The following LRRTM4 variants were observed in gnomAD, a reference collection of about 807,000 sequenced individuals.
LRRTM4 encodes the protein leucine-rich repeat transmembrane neuronal protein 4.
In LRRTM4, 25 loss-of-function variants were observed where a neutral mutation model predicts 47.6. The observed-to-expected ratio is 0.53, with a 90% confidence interval of 0.38 to 0.73. The LOEUF is 0.73. Among genes scored for constraint, LRRTM4 ranks in the 30% least tolerant of loss-of-function variants. LRRTM4 has a pLI of 0.00. For missense variants in LRRTM4, 638 were observed against 713.4 expected (o/e 0.89, Z 1.20); for synonymous variants, 311 against 269.5 (o/e 1.15, Z -1.51).
intron 3 of LRRTM4, among the ~76,000 whole-genome samples, chr2:77,440,365 G>A (rs997508609): frequency 6.6e-6 from 1 of 152,098 alleles, no homozygotes; most frequent in Non-Finnish European, 1.5e-5. Context: ...AGTGAGCCAA[G>A]ATCGTGCCAC....
chr2:77,277,181 G>C (rs181396150), intron 3 of LRRTM4, among the ~76,000 whole-genome samples: 1 of 152,024 alleles, frequency 6.6e-6, no homozygotes, highest in Admixed American at 6.6e-5. Context: ...TTTGGAAACA[G>C]TTACATGCAA....
At chr2:77,141,732 A>G (rs1478173884) in intron 3 of LRRTM4, among the ~76,000 whole-genome samples, 1 of 152,176 alleles carries the variant, frequency 6.6e-6, no homozygotes, top group Non-Finnish European at 1.5e-5. Context: ...GACATTTGTT[A>G]CTGGCTCCCA....
At chr2:77,415,955 T>C (rs149739107) in intron 3 of LRRTM4, among the ~76,000 whole-genome samples, 2 of 152,262 alleles carry the variant, frequency 1.3e-5, no homozygotes, top group African/African-American at 4.8e-5. Context: ...GATGGATTTA[T>C]TTTTGGTTAC....
intron 3 of LRRTM4, among the ~76,000 whole-genome samples, chr2:77,074,966 T>G (rs538318993): frequency 2.0e-5 from 3 of 152,226 alleles, no homozygotes; most frequent in Non-Finnish European, 4.4e-5. Context: ...AGCATTTCTG[T>G]GGAAACGTAT....
intron 3 of LRRTM4, among the ~76,000 whole-genome samples, chr2:76,781,496 G>A (rs923887729): frequency 5.3e-5 from 8 of 152,196 alleles, no homozygotes; most frequent in Middle Eastern, 3.2e-3. Flanking sequence ...CGCAGTATTC[G>A]GGTGGGAGTG....
At chr2:77,018,343 G>C (rs1162175890) in intron 3 of LRRTM4, among the ~76,000 whole-genome samples, 2 of 125,862 alleles carry the variant, frequency 1.6e-5, no homozygotes, top group Non-Finnish European at 3.1e-5. Context: ...AGACTTCTTT[G>C]ATACCAGCAG....
At chr2:77,516,265 A>G (rs899887414) in intron 3 of LRRTM4, among the ~76,000 whole-genome samples, 1 of 151,916 alleles carries the variant, frequency 6.6e-6, no homozygotes, top group Non-Finnish European at 1.5e-5. Flanking sequence ...AACACATACA[A>G]TATCAAAATG....
At chr2:76,802,614 C>A (rs566605557) in intron 3 of LRRTM4, among the ~76,000 whole-genome samples, 2 of 151,938 alleles carry the variant, frequency 1.3e-5, no homozygotes, top group African/African-American at 2.4e-5. Context: ...CAGAATTGTA[C>A]AATTTATATG....
At chr2:77,022,854 T>C (rs1023722256) in intron 3 of LRRTM4, among the ~76,000 whole-genome samples, 13 of 152,126 alleles carry the variant, frequency 8.5e-5, no homozygotes, top group Admixed American at 5.9e-4. Flanking sequence ...TTGTAAGCTG[T>C]AGTTGGATCT....
intron 3 of LRRTM4, among the ~76,000 whole-genome samples, chr2:77,424,832 C>G (rs572451915): frequency 2.6e-5 from 4 of 152,116 alleles, no homozygotes; most frequent in Non-Finnish European, 4.4e-5. Context: ...TGGCTATAGA[C>G]CCAGGGATCC....
chr2:77,336,617 T>C (rs1348915325), intron 3 of LRRTM4, among the ~76,000 whole-genome samples: 2 of 152,154 alleles, frequency 1.3e-5, no homozygotes, highest in Non-Finnish European at 2.9e-5. Context: ...CAAAAAGCTA[T>C]ATGCTTATCT....
intron 3 of LRRTM4, among the ~76,000 whole-genome samples, chr2:77,072,278 A>C (rs2103830583): frequency 6.6e-6 from 1 of 152,136 alleles, no homozygotes; most frequent in East Asian, 1.9e-4. Flanking sequence ...GTATAGGTTA[A>C]TCTCTTTTAA....
intron 3 of LRRTM4, among the ~76,000 whole-genome samples, chr2:77,010,038 T>A (rs1573446866): frequency 6.6e-6 from 1 of 152,000 alleles, no homozygotes; most frequent in Non-Finnish European, 1.5e-5. Flanking sequence ...AATATATTTA[T>A]AGTATACAGC....
chr2:77,372,949 T>TA (rs34277293), intron 3 of LRRTM4, among the ~76,000 whole-genome samples: 45,989 of 144,260 alleles, frequency 0.32, 8,104 homozygotes, highest in East Asian at 0.56. Context: ...GACTTCTGAA[T>TA]AAAAAAAAAA....
At chr2:77,517,466 TTTA>T in intron 3 of LRRTM4, 1 of 985,198 alleles carries the variant, frequency 1.0e-6, no homozygotes, top group Non-Finnish European at 1.2e-6. Context: ...TGACTGCCAT[TTTA>T]TTATTGCTAA....
chr2:77,128,679 C>G (rs1671717095), intron 3 of LRRTM4, among the ~76,000 whole-genome samples: 1 of 152,166 alleles, frequency 6.6e-6, no homozygotes, highest in Non-Finnish European at 1.5e-5. Flanking sequence ...GTCCCCCAGG[C>G]TGGAGGCTGG....
At chr2:77,152,779 T>A (rs1019908897) in intron 3 of LRRTM4, among the ~76,000 whole-genome samples, 3 of 152,194 alleles carry the variant, frequency 2.0e-5, no homozygotes, top group Non-Finnish European at 4.4e-5. Context: ...ATCATTTTTC[T>A]TCTATTTAAC....
intron 3 of LRRTM4, among the ~76,000 whole-genome samples, chr2:77,448,095 T>C (rs1006032155): frequency 1.8e-4 from 27 of 152,180 alleles, no homozygotes; most frequent in African/African-American, 6.0e-4. Context: ...TCCTTAATCA[T>C]TCTCTAATTA....
chr2:76,874,886 C>G (rs1672735199), intron 3 of LRRTM4, among the ~76,000 whole-genome samples: 1 of 151,270 alleles, frequency 6.6e-6, no homozygotes, highest in African/African-American at 2.5e-5. Flanking sequence ...TCTCATGTTA[C>G]AGTTATAAAA....
Sources: allele counts gnomAD v4.1 joint callset (sites outside exome capture counted in the v4.1 genomes callset), GRCh38; gene constraint gnomAD v4.1.1; transcripts MANE v1.5; gene names NCBI Gene and HGNC (gene_info 2026-07-23, HGNC 2026-07-21).